The following SPIDR variants were observed in gnomAD, a reference collection of about 807,000 sequenced individuals.
SPIDR encodes the protein scaffold protein involved in DNA repair.
SPIDR carries 93 observed loss-of-function variants against 104.6 expected under a neutral mutation model. The observed-to-expected ratio is 0.89, with a 90% CI of 0.75 to 1.06. SPIDR has a LOEUF of 1.06. Among genes scored for constraint, SPIDR ranks in the 50% least tolerant of loss-of-function variants. The probability of loss-of-function intolerance (pLI) is 0.00; values close to 1 mark genes in which losing one functional copy is unlikely to be tolerated. For synonymous variants in SPIDR, 431 were observed against 416.9 expected (o/e 1.03, Z -0.41); for missense variants, 1,154 against 1,111.2 (o/e 1.04, Z -0.55).
intron 8 of SPIDR, among the ~76,000 whole-genome samples, chr8:47,573,757 A>G (rs755284680): frequency 6.6e-6 from 1 of 152,154 alleles, no homozygotes; most frequent in Non-Finnish European, 1.5e-5. Flanking sequence ...TGCTTATTGT[A>G]GTGTTTCTCG....
chr8:47,502,527 C>T (rs1342327489), intron 8 of SPIDR, among the ~76,000 whole-genome samples: 1 of 151,992 alleles, frequency 6.6e-6, no homozygotes, highest in Non-Finnish European at 1.5e-5. Context: ...TGATTCTTCT[C>T]TCTTTTCTTT....
intron 1 of SPIDR, 111 bp from the exon 2 acceptor site, chr8:47,279,751 A>G: frequency 9.3e-7 from 1 of 1,073,832 alleles, no homozygotes; most frequent in Non-Finnish European, 1.3e-6. Context: ...CTATACCTTT[A>G]CTGATGCCAC....
At chr8:47,639,256 G>C (rs2068460474) in intron 10 of SPIDR, among the ~76,000 whole-genome samples, 1 of 152,202 alleles carries the variant, frequency 6.6e-6, no homozygotes, top group South Asian at 2.1e-4. Flanking sequence ...CCATGGAGAA[G>C]TTCTGTAGTT....
intron 8 of SPIDR, among the ~76,000 whole-genome samples, chr8:47,538,445 G>C (rs1232167376): frequency 3.3e-5 from 5 of 152,150 alleles, no homozygotes; most frequent in Non-Finnish European, 5.9e-5. Flanking sequence ...TAGGGAGGCT[G>C]AGGCGAGAGA....
chr8:47,731,125 G>A (rs778321435), intron 19 of SPIDR, among the ~76,000 whole-genome samples: 2 of 152,034 alleles, frequency 1.3e-5, no homozygotes, highest in African/African-American at 2.4e-5. Context: ...GTGTGGTGGT[G>A]CGCATCTGTA....
intron 8 of SPIDR, among the ~76,000 whole-genome samples, chr8:47,489,718 C>A (rs1359494795): frequency 6.6e-6 from 1 of 152,202 alleles, no homozygotes; most frequent in African/African-American, 2.4e-5. Flanking sequence ...ACCATCTGAT[C>A]TTTGGCAAAC....
At chr8:47,322,327 A>G (rs2154262966) in intron 5 of SPIDR, among the ~76,000 whole-genome samples, 2 of 152,348 alleles carry the variant, frequency 1.3e-5, no homozygotes, top group East Asian at 1.9e-4. Context: ...GCCAAAAGAC[A>G]CTTGAAAAGA....
intron 5 of SPIDR, among the ~76,000 whole-genome samples, chr8:47,330,370 C>G (rs782324479): frequency 6.6e-6 from 1 of 152,098 alleles, no homozygotes; most frequent in African/African-American, 2.4e-5. Flanking sequence ...ATCTTTCTTA[C>G]GCAAAGTCAC....
intron 5 of SPIDR, among the ~76,000 whole-genome samples, chr8:47,300,871 T>C (rs1381271203): frequency 2.6e-5 from 4 of 152,318 alleles, no homozygotes; most frequent in African/African-American, 7.2e-5. Flanking sequence ...CTTCCAAATA[T>C]GTGGTCAATT....
intron 10 of SPIDR, among the ~76,000 whole-genome samples, chr8:47,640,497 A>G (rs1314261700): frequency 6.6e-6 from 1 of 152,232 alleles, no homozygotes; most frequent in Non-Finnish European, 1.5e-5. Context: ...AGAATGTAGC[A>G]TATAAAAAGA....
chr8:47,444,244 A>C (rs952167587), intron 8 of SPIDR, among the ~76,000 whole-genome samples: 1 of 152,222 alleles, frequency 6.6e-6, no homozygotes, highest in Non-Finnish European at 1.5e-5. Context: ...CTTTAATGAT[A>C]CTGGGGAGAG....
Position 47,413,221 on chromosome 8 carries a change from G to T in SPIDR, c.877+5260G>T, listed in dbSNP as rs558576807. On this transcript the variant is annotated intron_variant, in intron 7 of 19. Coordinates refer to ENST00000297423, the MANE Select transcript of SPIDR (RefSeq NM_001080394.4). Reference sequence around the variant, plus strand: ...CCTGAAGATATCATTTGCATACTGCGTTGACATTCATGCAGCGCTTTTGTT... The same window carrying T: ...CCTGAAGATATCATTTGCATACTGCTTTGACATTCATGCAGCGCTTTTGTT... Among the ~76,000 whole-genome samples the T allele has an allele frequency of 1.6e-4, 24 of 152,354 alleles. No individual in the cohort carries two copies. In the South Asian group the frequency reaches 3.5e-3, roughly 22 times the overall value.
chr8:47,361,074 C>A, intron 5 of SPIDR: 1 of 769,994 alleles, frequency 1.3e-6, no homozygotes, highest in Non-Finnish European at 1.6e-6. Context: ...TACATGACCA[C>A]AGTTACTTAA....
chr8:47,703,899 A>G (rs796151228), intron 14 of SPIDR, among the ~76,000 whole-genome samples: 5 of 152,314 alleles, frequency 3.3e-5, no homozygotes, highest in African/African-American at 1.2e-4. Flanking sequence ...GGGGAGGGCC[A>G]TCTACTGACG....
intron 8 of SPIDR, among the ~76,000 whole-genome samples, chr8:47,509,748 G>C (rs2082027566): frequency 6.6e-6 from 1 of 152,130 alleles, no homozygotes; most frequent in Admixed American, 6.5e-5. Context: ...AACTTTTCTG[G>C]GGCAGAACTA....
intron 10 of SPIDR, among the ~76,000 whole-genome samples, chr8:47,626,784 T>C (rs1284873521): frequency 6.6e-6 from 1 of 152,194 alleles, no homozygotes; most frequent in Non-Finnish European, 1.5e-5. Context: ...TTTTACACTG[T>C]TGGTGGGACT....
At chr8:47,474,296 T>C (rs1238848909) in intron 8 of SPIDR, among the ~76,000 whole-genome samples, 1 of 152,260 alleles carries the variant, frequency 6.6e-6, no homozygotes, top group Non-Finnish European at 1.5e-5. Flanking sequence ...TACCCATGTG[T>C]ATTCTGAAAA....
intron 4 of SPIDR, among the ~76,000 whole-genome samples, chr8:47,293,218 C>T (rs1459560568): frequency 1.3e-5 from 2 of 151,956 alleles, no homozygotes; most frequent in Non-Finnish European, 2.9e-5. Flanking sequence ...TTTCAAACTC[C>T]TGGGCTCGAG....
At chr8:47,701,689 A>G in intron 12 of SPIDR, 32 bp from the exon 13 acceptor site, 1 of 1,605,814 alleles carries the variant, frequency 6.2e-7, no homozygotes, top group Non-Finnish European at 8.5e-7. Context: ...TTAACAATAC[A>G]TTCACCTTCT....
Sources: gnomAD v4.1 joint callset for allele counts (sites outside exome capture counted in the v4.1 genomes callset) on GRCh38, gnomAD v4.1.1 for gene constraint, MANE v1.5 for transcripts, NCBI Gene and HGNC (gene_info 2026-07-23, HGNC 2026-07-21) for gene names.